The following CSMD1 variants were observed in gnomAD, a reference collection of about 807,000 sequenced individuals.
The protein encoded by CSMD1 is CUB and sushi domain-containing protein 1.
CSMD1 carries 213 observed loss-of-function variants against 417.5 expected under a neutral mutation model. The ratio of observed to expected loss-of-function variants is 0.51; its 90% CI spans 0.46 to 0.57. CSMD1 has a LOEUF of 0.57. CSMD1 is among the 20% of genes least tolerant of loss of function. The pLI, the probability that CSMD1 is intolerant of heterozygous loss-of-function variation, is 0.00. For synonymous variants in CSMD1, 2,862 were observed against 1,736.8 expected, an observed-to-expected ratio of 1.65 and a Z score of -16.11; for missense variants, 6,923 against 4,529.7, an observed-to-expected ratio of 1.53 and a Z score of -15.17.
chr8:3,515,401 G>A (rs529014119), intron 10 of CSMD1: 1 of 152,288 alleles, frequency 6.6e-6, no homozygotes, highest in East Asian at 1.9e-4. Flanking sequence ...TCTTGAAAAT[G>A]TTGGTGAAGT....
intron 23 of CSMD1, among the ~76,000 whole-genome samples, chr8:3,328,341 T>C (rs893778949): frequency 1.3e-5 from 2 of 152,198 alleles, no homozygotes; most frequent in African/African-American, 4.8e-5. Flanking sequence ...AAGGCACCTC[T>C]GCTTCCTCTC....
chr8:3,202,921 A>T (rs1288651901), intron 31 of CSMD1, among the ~76,000 whole-genome samples: 3 of 152,172 alleles, frequency 2.0e-5, no homozygotes, highest in Non-Finnish European at 4.4e-5. Context: ...ATGCTCTAAA[A>T]ACTTTTTTCA....
At chr8:4,180,550 A>G (rs1258692305) in intron 3 of CSMD1, among the ~76,000 whole-genome samples, 1 of 152,054 alleles carries the variant, frequency 6.6e-6, no homozygotes, top group Non-Finnish European at 1.5e-5. Context: ...CACATTGTGC[A>G]CATGTACCCT....
intron 1 of CSMD1, among the ~76,000 whole-genome samples, chr8:4,882,969 T>C (rs186912928): frequency 1.4e-4 from 21 of 151,988 alleles, no homozygotes; most frequent in Admixed American, 7.9e-4. Flanking sequence ...AAACTAAACC[T>C]AAAAACTGCC....
At chr8:3,366,936 C>T in intron 20 of CSMD1, 96 bp downstream of exon 20, 1 of 950,012 alleles carries the variant, frequency 1.1e-6, no homozygotes, top group Non-Finnish European at 1.6e-6. Flanking sequence ...CACGGATGCA[C>T]ACATTACACA....
intron 3 of CSMD1, among the ~76,000 whole-genome samples, chr8:4,134,129 C>A (rs1216079101): frequency 6.6e-6 from 1 of 152,078 alleles, no homozygotes; most frequent in African/African-American, 2.4e-5. Context: ...ATCAAATTTT[C>A]TTTTATGATT....
chr8:3,227,412 A>G (rs1390323879), intron 27 of CSMD1, among the ~76,000 whole-genome samples: 1 of 152,090 alleles, frequency 6.6e-6, no homozygotes, highest in Non-Finnish European at 1.5e-5. Context: ...ACAAAACAAA[A>G]CAAACACGTT....
intron 1 of CSMD1, among the ~76,000 whole-genome samples, chr8:4,937,450 T>C (rs1807698130): frequency 6.6e-6 from 1 of 152,156 alleles, no homozygotes; most frequent in African/African-American, 2.4e-5. Flanking sequence ...TGATGAGTAA[T>C]ACTAAGGCAA....
chr8:3,668,866 T>C (rs1474562313), intron 7 of CSMD1, among the ~76,000 whole-genome samples: 1 of 152,200 alleles, frequency 6.6e-6, no homozygotes, highest in East Asian at 1.9e-4. Flanking sequence ...ATTGCTCTGG[T>C]GGCTATCAGC....
chr8:3,673,812 G>A (rs528268099), intron 7 of CSMD1, among the ~76,000 whole-genome samples: 13 of 152,244 alleles, frequency 8.5e-5, no homozygotes, highest in Admixed American at 4.6e-4. Context: ...AGTGCAACAC[G>A]CCATCATTAG....
chr8:3,356,863 G>C (rs1014377051), intron 21 of CSMD1, among the ~76,000 whole-genome samples: 1 of 152,188 alleles, frequency 6.6e-6, no homozygotes, highest in Non-Finnish European at 1.5e-5. Context: ...CCAGGACAGC[G>C]TGGAGGGAGA....
At chr8:4,804,646 A>G (rs1304151126) in intron 1 of CSMD1, among the ~76,000 whole-genome samples, 1 of 152,188 alleles carries the variant, frequency 6.6e-6, no homozygotes, top group African/African-American at 2.4e-5. Context: ...AGATAATATT[A>G]CAAAGAATTT....
At chr8:3,636,093 G>T (rs1291326254) in intron 7 of CSMD1, among the ~76,000 whole-genome samples, 9 of 151,526 alleles carry the variant, frequency 5.9e-5, no homozygotes, top group Admixed American at 5.3e-4. Flanking sequence ...TGTACTTTTT[G>T]AAGTTTTGTG....
intron 3 of CSMD1, among the ~76,000 whole-genome samples, chr8:4,047,137 G>A (rs190870426): frequency 1.3e-5 from 2 of 152,290 alleles, no homozygotes; most frequent in Admixed American, 1.3e-4. Flanking sequence ...AAGAAGCAGA[G>A]CAGCCTGCAA....
intron 3 of CSMD1, among the ~76,000 whole-genome samples, chr8:4,045,059 T>C (rs940636176): frequency 5.9e-5 from 9 of 152,224 alleles, no homozygotes; most frequent in Non-Finnish European, 1.2e-4. Flanking sequence ...AGGAAAGCCT[T>C]GTGCCTGAGG....
intron 2 of CSMD1, among the ~76,000 whole-genome samples, chr8:4,453,411 A>G (rs1242947348): frequency 2.6e-5 from 4 of 152,194 alleles, no homozygotes; most frequent in Non-Finnish European, 5.9e-5. Flanking sequence ...GGAGATTCCC[A>G]GAAGACACTG....
rs368404704 is a variant in CSMD1, at chr8:3,833,505, A to G, written c.819-79463T>C. ...CCTACTATAACAAAGCCCTTTCCTC[A>G]TTCATATTCAGAATTTTTTTCAATG... On this transcript the variant is annotated intron_variant, in intron 5 of 69. Coordinates refer to ENST00000635120, the MANE Select transcript of CSMD1 (RefSeq NM_033225.6). Among the ~76,000 whole-genome samples, 38 of 152,140 alleles carry G rather than the reference A, an allele frequency of 2.5e-4. No homozygotes were observed. The East Asian group carries it at 6.8e-3, about 27-fold the overall frequency.
intron 1 of CSMD1, among the ~76,000 whole-genome samples, chr8:4,660,195 A>T (rs972685613): frequency 6.6e-6 from 1 of 152,052 alleles, no homozygotes; most frequent in African/African-American, 2.4e-5. Flanking sequence ...TAAAGATGAC[A>T]TAATGTTCTT....
At chr8:4,387,837 A>G (rs1264047646) in intron 3 of CSMD1, among the ~76,000 whole-genome samples, 1 of 152,128 alleles carries the variant, frequency 6.6e-6, no homozygotes, top group Non-Finnish European at 1.5e-5. Context: ...TTTCATAGCC[A>G]CAAATGACAG....
Sources: gnomAD v4.1 joint callset for allele counts (sites outside exome capture counted in the v4.1 genomes callset) on GRCh38, gnomAD v4.1.1 for gene constraint, MANE v1.5 for transcripts, NCBI Gene and HGNC (gene_info 2026-07-23, HGNC 2026-07-21) for gene names.